Variants in DNAH6 observed in about 807,000 individuals in gnomAD.
DNAH6 encodes the protein axonemal beta dynein heavy chain 6.
In DNAH6, 340 loss-of-function variants were observed where a neutral mutation model predicts 491.4. That is an observed-to-expected ratio of 0.69 (90% CI 0.63 to 0.76). DNAH6 has a LOEUF of 0.76. DNAH6 is among the 30% of genes least tolerant of loss of function. The pLI, the probability that DNAH6 is intolerant of heterozygous loss-of-function variation, is 0.00. For synonymous variants in DNAH6, 1,603 were observed against 1,686.1 expected (o/e 0.95, Z 1.21); for missense variants, 4,443 against 4,972.2 (o/e 0.89, Z 3.20).
At chr2:84,569,218 T>C (rs370968805) in intron 11 of DNAH6, among the ~76,000 whole-genome samples, 110 of 152,238 alleles carry the variant, frequency 7.2e-4, no homozygotes, top group African/African-American at 2.5e-3. Context: ...AAGAAGTTGG[T>C]TATTAATTAA....
At chr2:84,729,488 T>G (rs1698946424) in intron 61 of DNAH6, among the ~76,000 whole-genome samples, 1 of 152,152 alleles carries the variant, frequency 6.6e-6, no homozygotes, top group Non-Finnish European at 1.5e-5. Flanking sequence ...TGCTTACAGT[T>G]TTCTCAACAG....
In DNAH6 at chr2:84,816,019, C is replaced by T; in HGVS notation, c.12309C>T (p.Ser4103=). ...AACCACAACAAAACTATAAGCCAAG[C>T]CCAACACTTTACCACTGCCCACTTT... ...HFEPQQNYKP[S]PTLYHCPLYK... The change falls in exon 76 of 77, where the codon AGC becomes AGT. Residue 4103 remains serine, a synonymous_variant. Coordinates refer to ENST00000389394, the MANE Select transcript of DNAH6 (RefSeq NM_001370.2). 6.4e-7 allele frequency: 1 copy of T among 1,551,750 alleles called. No homozygotes were observed. Among genetic ancestry groups the T allele is most frequent in the Non-Finnish European group, 8.7e-7 (1 of 1,147,014 alleles).
intron 29 of DNAH6, among the ~76,000 whole-genome samples, chr2:84,629,236 A>T (rs542077640): frequency 6.6e-6 from 1 of 152,330 alleles, no homozygotes; most frequent in South Asian, 2.1e-4. Context: ...ATTATTACAC[A>T]GATCTCCAGG....
At chr2:84,754,536 G>C (rs1471921457) in intron 63 of DNAH6, among the ~76,000 whole-genome samples, 1 of 152,208 alleles carries the variant, frequency 6.6e-6, no homozygotes, top group African/African-American at 2.4e-5. Context: ...TTTGTTGAAA[G>C]ACTACTCCTT....
intron 46 of DNAH6, among the ~76,000 whole-genome samples, chr2:84,695,423 A>G (rs1695283685): frequency 6.6e-6 from 1 of 152,138 alleles, no homozygotes; most frequent in African/African-American, 2.4e-5. Flanking sequence ...TAAATTAGCA[A>G]AATCTTTCTG....
intron 59 of DNAH6, among the ~76,000 whole-genome samples, chr2:84,720,500 G>T (rs560336918): frequency 3.3e-5 from 5 of 151,438 alleles, no homozygotes; most frequent in Non-Finnish European, 2.9e-5. Context: ...GGATGGTCTT[G>T]ATCTCCTGAC....
At chr2:84,474,979 T>G in the DNAH6 span, among the ~76,000 whole-genome samples, 1 of 152,240 alleles carries the variant, frequency 6.6e-6, no homozygotes, top group Non-Finnish European at 1.5e-5. Context: ...GTGCTTCTTC[T>G]AGTTTTATGT....
intron 11 of DNAH6, among the ~76,000 whole-genome samples, chr2:84,559,442 G>T (rs1680423740): frequency 6.6e-6 from 1 of 152,180 alleles, no homozygotes; most frequent in African/African-American, 2.4e-5. Flanking sequence ...ACCTACTTGG[G>T]AGGCTGAGGT....
In DNAH6 at chr2:84,553,021, T is replaced by A; in HGVS notation, c.1589T>A (p.Leu530Gln). 2 of 1,594,212 alleles carry A rather than the reference T, an allele frequency of 1.3e-6. No individual in the cohort carries two copies. Among genetic ancestry groups the A allele is most frequent in the South Asian group, 2.3e-5 (2 of 88,730 alleles). ...CAGTCACTGCTCTTTGAGCCTTCTC[T>A]GGAAGACTTTCTGGTGTGTGTTTTT... ...TVQSLLFEPS[L>Q]EDFLDGILGA... is the part of the protein sequence containing the mutation. The change falls in exon 10 of 77, where the codon CTG (leucine) becomes CAG (glutamine). Residue 530 changes from leucine to glutamine, a missense_variant. Physicochemically the swap from Leu to Gln is moderately radical, Grantham distance 113. This residue lies in a region of DNAH6 where 2,977 missense variants were observed against 3,296.6 expected (regional missense o/e 0.90). Transcript: ENST00000389394.
chr2:84,514,528 G>A (rs924179650), upstream of DNAH6, among the ~76,000 whole-genome samples: 1 of 152,158 alleles, frequency 6.6e-6, no homozygotes, highest in Non-Finnish European at 1.5e-5. Context: ...ATGTGAACTT[G>A]TGAGTAACCA....
chr2:84,779,263 T>C (rs1261652645), intron 64 of DNAH6, among the ~76,000 whole-genome samples: 2 of 152,178 alleles, frequency 1.3e-5, no homozygotes, highest in Non-Finnish European at 2.9e-5. Context: ...ACTATTATGA[T>C]GTGGCTTTCC....
At chr2:84,732,453 A>G (rs1156998330) in intron 61 of DNAH6, among the ~76,000 whole-genome samples, 1 of 152,246 alleles carries the variant, frequency 6.6e-6, no homozygotes, top group African/African-American at 2.4e-5. Flanking sequence ...TTCAACCATA[A>G]GAAAGAATGA....
intron 45 of DNAH6, among the ~76,000 whole-genome samples, chr2:84,692,424 GATAGATAGA>G (rs1694950561): frequency 2.7e-4 from 2 of 7,416 alleles, no homozygotes; most frequent in African/African-American, 1.1e-3. Flanking sequence ...AAGGTAGATA[GATAGATAGA>G]TAGATAGATA....
At chr2:84,760,773 T>C (rs1333718639) in intron 63 of DNAH6, among the ~76,000 whole-genome samples, 2 of 152,104 alleles carry the variant, frequency 1.3e-5, no homozygotes, top group Non-Finnish European at 2.9e-5. Flanking sequence ...TGAGGCATGA[T>C]CTCACTCTGT....
rs1216192032 is a variant in DNAH6, at chr2:84,812,537, T to C, written c.11925+11T>C. The C allele has an allele frequency of 6.5e-6, 10 of 1,545,190 alleles. No homozygotes were observed. Among genetic ancestry groups the C allele is most frequent in the Non-Finnish European group, 8.7e-6 (10 of 1,144,488 alleles). ...ACCTCATTTGTGGATGTAAGAAAATTCCTTTCACTGGGTTTTGATGAATCT... is the reference window on the plus strand; with the variant it reads ...ACCTCATTTGTGGATGTAAGAAAATCCCTTTCACTGGGTTTTGATGAATCT... On this transcript the variant is annotated intron_variant, in intron 73 of 76. Transcript: ENST00000389394.
At chr2:84,678,816 AGAAAT>A (rs1306145518) in intron 41 of DNAH6, among the ~76,000 whole-genome samples, 2 of 152,238 alleles carry the variant, frequency 1.3e-5, no homozygotes, top group Non-Finnish European at 2.9e-5. Context: ...AAGGGGAAAT[AGAAAT>A]GATATGTGGC....
intron 10 of DNAH6, among the ~76,000 whole-genome samples, chr2:84,554,826 G>C (rs973967920): frequency 2.6e-5 from 4 of 152,210 alleles, no homozygotes; most frequent in African/African-American, 9.6e-5. Flanking sequence ...AGGTGTCCCA[G>C]ACTGCAGATG....
Position 84,722,640 on chromosome 2 carries a change from A to G in DNAH6, c.9808A>G (p.Ile3270Val), listed in dbSNP as rs553674446. The G allele has an allele frequency of 3.9e-4, 610 of 1,549,412 alleles. 8 individuals are homozygous for G. In the South Asian group the frequency reaches 7.0e-3, roughly 18 times the overall value. The change falls in exon 60 of 77, where the codon ATT (isoleucine) becomes GTT (valine). Residue 3270 changes from isoleucine (I) to valine (V), a missense_variant. Physicochemically the swap from Ile to Val is conservative, Grantham distance 29 (BLOSUM62 3). This residue lies in a region of DNAH6 where 1,463 missense variants were observed against 1,656.6 expected (regional missense o/e 0.88). Transcript: ENST00000389394. ...LQDSKITSGA[I>V]KTRLEEAEST... ...GTTTATTCAGATCACTTCTGGTGCC[A>G]TTAAAACCAGGCTGGAAGAAGCAGA...
Position 84,676,363 on chromosome 2 carries a change from G to A in DNAH6, c.6613-642G>A, listed in dbSNP as rs1045393601. Among the ~76,000 whole-genome samples the A allele has an allele frequency of 3.3e-5, 5 of 152,172 alleles. No homozygotes were observed. In the East Asian group the frequency reaches 9.6e-4, roughly 29 times the overall value. ...CTATGTAAAATGGCCCAGTTGTGGT[G>A]CTAAAGTGCTGTCTACTATTTCTAA... On this transcript the variant is annotated intron_variant, in intron 40 of 76. Transcript: ENST00000389394.
Sources: gnomAD v4.1 joint callset for allele counts (sites outside exome capture counted in the v4.1 genomes callset) on GRCh38, gnomAD v4.1.1 for gene constraint, gnomAD v4.1.1 regional missense constraint, MANE v1.5 for transcripts, NCBI Gene and HGNC (gene_info 2026-07-23, HGNC 2026-07-21) for gene names.